The following C6 variants were observed in gnomAD, a reference collection of about 807,000 sequenced individuals.
C6 encodes the protein complement component C6.
Under a neutral mutation model 112.9 loss-of-function variants are expected in C6, and 101 were observed. That is an observed-to-expected ratio of 0.89 (90% CI 0.76 to 1.06). C6 has a LOEUF of 1.06. C6 is among the 50% of genes least tolerant of loss of function. The probability of loss-of-function intolerance (pLI) is 0.00; values close to 1 mark genes in which losing one functional copy is unlikely to be tolerated. For missense variants in C6, 1,202 were observed against 1,104.6 expected (o/e 1.09, Z -1.25); for synonymous variants, 431 against 384.1 (o/e 1.12, Z -1.43).
At chr5:41,226,668 T>C (rs530678022) in intron 1 of C6, among the ~76,000 whole-genome samples, 2 of 152,302 alleles carry the variant, frequency 1.3e-5, no homozygotes, top group East Asian at 3.9e-4. Flanking sequence ...CTGCGGGTTC[T>C]ACTTTTTTAG....
intron 15 of C6, among the ~76,000 whole-genome samples, chr5:41,151,503 G>A (rs1746389019): frequency 6.6e-6 from 1 of 152,126 alleles, no homozygotes; most frequent in Non-Finnish European, 1.5e-5. Context: ...TGAATTTATG[G>A]TATCTTTAAG....
intron 1 of C6, among the ~76,000 whole-genome samples, chr5:41,231,044 T>C (rs546095652): frequency 2.4e-4 from 37 of 152,308 alleles, no homozygotes; most frequent in Admixed American, 5.9e-4. Context: ...GCATGGAGTA[T>C]CTTTTTCTAT....
chr5:41,202,419 G>T (rs749542279), intron 2 of C6, among the ~76,000 whole-genome samples: 3 of 152,112 alleles, frequency 2.0e-5, no homozygotes, highest in Admixed American at 1.3e-4. Context: ...ATGGTTTATT[G>T]GGGAAGTAAA....
rs1432062129 is a variant in C6 at position 41,213,391 on chromosome 5, G to T, written c.-36C>A. ...TATTACTCACCTTTAAGCAGAGTTT[G>T]TGGTGTCCTCGGACCTAAGCTGCAA... On this transcript the variant is annotated 5_prime_UTR_variant, in exon 1 of 18. Coordinates refer to ENST00000337836, the MANE Select transcript of C6 (RefSeq NM_000065.5). The T allele has an allele frequency of 3.0e-6, 3 of 984,246 alleles. No individual in the cohort carries two copies. The highest frequency in any genetic ancestry group is 2.3e-4 in the East Asian group (2 of 8,814). 61.0% of individuals were successfully genotyped at this position (984,246 alleles called of 1,614,324 possible).
At chr5:41,181,916 A>AT (rs1421633648) in intron 6 of C6, among the ~76,000 whole-genome samples, 9 of 152,194 alleles carry the variant, frequency 5.9e-5, no homozygotes, top group African/African-American at 2.2e-4. Flanking sequence ...CATGTCTGTG[A>AT]TTTTGATGCA....
chr5:41,167,305 A>G (rs1748065070), intron 9 of C6, among the ~76,000 whole-genome samples: 2 of 152,180 alleles, frequency 1.3e-5, no homozygotes, highest in Admixed American at 6.6e-5. Context: ...TTGAACTAAA[A>G]TATCAAGAGC....
chr5:41,250,841 T>C (rs10042836), intron 1 of C6, among the ~76,000 whole-genome samples: 3,871 of 152,286 alleles, frequency 0.025, 163 homozygotes, highest in African/African-American at 0.088. Context: ...ACTAATATAG[T>C]GGTTTATTAT....
intron 17 of C6, 31 bp downstream of exon 17, chr5:41,149,210 A>C (rs752581744): frequency 3.7e-6 from 6 of 1,613,100 alleles, no homozygotes; most frequent in Non-Finnish European, 5.1e-6. Context: ...GTTAAGTGAG[A>C]GCATTTAGTA....
At chr5:41,243,259 C>T (rs925842650) in intron 1 of C6, among the ~76,000 whole-genome samples, 1 of 152,188 alleles carries the variant, frequency 6.6e-6, no homozygotes, top group Non-Finnish European at 1.5e-5. Context: ...CATAACATCA[C>T]TTTACCTCCA....
At chr5:41,196,658 A>G (rs148568853) in intron 4 of C6, among the ~76,000 whole-genome samples, 187 of 151,174 alleles carry the variant, frequency 1.2e-3, no homozygotes, top group African/African-American at 4.2e-3. Context: ...AAATATATCT[A>G]CTATCTATTT....
intron 11 of C6, among the ~76,000 whole-genome samples, chr5:41,159,612 T>C (rs1435861707): frequency 6.7e-6 from 1 of 150,288 alleles, no homozygotes; most frequent in Non-Finnish European, 1.5e-5. Context: ...TAAATTACAC[T>C]TTTAAAGGAA....
intron 1 of C6, among the ~76,000 whole-genome samples, chr5:41,229,675 A>G (rs1739763854): frequency 6.6e-6 from 1 of 152,092 alleles, no homozygotes; most frequent in East Asian, 1.9e-4. Context: ...AATGTTTTGT[A>G]TATGCCTTTA....
upstream of C6, among the ~76,000 whole-genome samples, chr5:41,215,723 T>C (rs1752175330): frequency 6.6e-6 from 1 of 152,148 alleles, no homozygotes; most frequent in South Asian, 2.1e-4. Context: ...AGAGTTAAGA[T>C]GGAGCAATTA....
At chr5:41,186,840 C>T (rs571112459) in intron 5 of C6, among the ~76,000 whole-genome samples, 3 of 151,836 alleles carry the variant, frequency 2.0e-5, no homozygotes, top group Non-Finnish European at 4.4e-5. Flanking sequence ...ACCTGTTTTA[C>T]AAATGAGGAC....
chr5:41,235,210 A>C, intron 1 of C6, among the ~76,000 whole-genome samples: 1 of 132,402 alleles, frequency 7.6e-6, no homozygotes. Context: ...ATATCTCCCA[A>C]TGCTATCCCT....
chr5:41,239,134 C>T (rs368047662), intron 1 of C6, among the ~76,000 whole-genome samples: 21 of 104,184 alleles, frequency 2.0e-4, no homozygotes, highest in East Asian at 7.3e-4. Flanking sequence ...TTTTTTGAGA[C>T]GGATTCTTGC....
intron 15 of C6, among the ~76,000 whole-genome samples, chr5:41,151,855 TAAGGAAAAAAAA>T (rs1746426338): frequency 7.4e-6 from 1 of 134,338 alleles, no homozygotes; most frequent in South Asian, 2.6e-4. Context: ...CCACAGAAGA[TAAGGAAAAAAAA>T]AAAAAGTCCA....
In C6 at chr5:41,227,299, G is replaced by T. The variant is rs78849356; in HGVS notation, c.-20-24049C>A. Among the ~76,000 whole-genome samples, 298 of 149,976 alleles carry T rather than the reference G, an allele frequency of 2.0e-3. 2 individuals carry two copies. The East Asian group carries it at 0.02, about 10-fold the overall frequency. On this transcript the variant is annotated intron_variant, in intron 1 of 17. Transcript: ENST00000263413. The stretch of plus-strand genomic sequence containing the variant: ...CAGATCTTTTGCCCATTTTTTAATT[G>T]TTTTTTTTTCTAGCTATTGGATTGT...
chr5:41,205,612 C>T (rs1006231741), intron 1 of C6, among the ~76,000 whole-genome samples: 2 of 152,216 alleles, frequency 1.3e-5, no homozygotes, highest in Non-Finnish European at 2.9e-5. Context: ...CCCGCAGAGC[C>T]TCTCTCACAG....
Sources: allele counts gnomAD v4.1 joint callset (sites outside exome capture counted in the v4.1 genomes callset), GRCh38; gene constraint gnomAD v4.1.1; transcripts MANE v1.5; gene names NCBI Gene and HGNC (gene_info 2026-07-23, HGNC 2026-07-21).